The following LRPPRC variants were observed in gnomAD, a reference collection of about 807,000 sequenced individuals.
The protein encoded by LRPPRC is leucine-rich PPR motif-containing protein, mitochondrial.
In LRPPRC, 120 loss-of-function variants were observed where a neutral mutation model predicts 180.3. The ratio of observed to expected loss-of-function variants is 0.67; its 90% CI spans 0.57 to 0.77. The LOEUF is 0.77. Among genes scored for constraint, LRPPRC ranks in the 30% least tolerant of loss-of-function variants. The pLI is 0.00. For missense variants in LRPPRC, 2,012 were observed against 1,657.2 expected, an observed-to-expected ratio of 1.21 and a Z score of -3.72; for synonymous variants, 723 against 600.0, an observed-to-expected ratio of 1.21 and a Z score of -3.00.
At chr2:43,916,665 T>C (rs905337903) in intron 29 of LRPPRC, among the ~76,000 whole-genome samples, 5 of 152,114 alleles carry the variant, frequency 3.3e-5, no homozygotes, top group African/African-American at 1.2e-4. Flanking sequence ...GTATGAAGAA[T>C]AGTACAGGTT....
At chr2:43,948,614 T>C in intron 16 of LRPPRC, 96 bp from the exon 17 acceptor site, 1 of 742,134 alleles carries the variant, frequency 1.3e-6, no homozygotes, top group Admixed American at 1.9e-5. Context: ...GTGTGAGATG[T>C]CACCCTGATG....
At chr2:43,939,148 G>T (rs1046867958) in intron 23 of LRPPRC, among the ~76,000 whole-genome samples, 12 of 151,858 alleles carry the variant, frequency 7.9e-5, no homozygotes, top group Admixed American at 7.9e-4. Context: ...TGGCGTGGCG[G>T]TGAGCACCTG....
intron 21 of LRPPRC, 150 bp from the exon 22 acceptor site, chr2:43,945,567 C>T (rs1672651519): frequency 3.0e-6 from 2 of 664,556 alleles, no homozygotes; most frequent in African/African-American, 3.6e-5. Flanking sequence ...TTTTTGAAGC[C>T]ATATACAAGT....
chr2:43,891,159 C>G (rs940971348), intron 36 of LRPPRC, among the ~76,000 whole-genome samples: 1 of 152,210 alleles, frequency 6.6e-6, no homozygotes, highest in African/African-American at 2.4e-5. Flanking sequence ...TCCTGAGGAG[C>G]TGAACCCTTT....
chr2:43,945,345 A>G lies in LRPPRC; in HGVS notation c.2283T>C (p.His761=), dbSNP rs1672640904. 6.2e-7 allele frequency: 1 copy of G among 1,611,268 alleles called. No homozygotes were observed. The highest frequency in any genetic ancestry group is 8.5e-7 in the Non-Finnish European group (1 of 1,177,528). ...GCTGAGGCTTACCTTGGAGCTTGCCATGCTTTGCCAATACTCTTACAAGGC... is the reference window on the plus strand; with the variant it reads ...GCTGAGGCTTACCTTGGAGCTTGCCGTGCTTTGCCAATACTCTTACAAGGC... The part of the protein sequence containing the change: ...YVGLVRVLAK[H]GKLQDAINIL... Residue 761 remains histidine (H), a synonymous_variant, in exon 22 of 38, where the codon CAT becomes CAC. Transcript: ENST00000260665.
At chr2:43,965,438 G>T (rs1395097581) in intron 11 of LRPPRC, among the ~76,000 whole-genome samples, 1 of 152,094 alleles carries the variant, frequency 6.6e-6, no homozygotes, top group Admixed American at 6.5e-5. Context: ...AAAACTCCTA[G>T]AAGAAAACAC....
intron 30 of LRPPRC, among the ~76,000 whole-genome samples, chr2:43,911,090 G>A (rs1284959851): frequency 1.3e-5 from 2 of 151,520 alleles, no homozygotes; most frequent in East Asian, 3.9e-4. Context: ...ACAGATGACA[G>A]GATACTGCTC....
intron 2 of LRPPRC, among the ~76,000 whole-genome samples, chr2:43,981,637 G>A (rs1674312108): frequency 6.6e-6 from 1 of 151,676 alleles, no homozygotes; most frequent in East Asian, 1.9e-4. Context: ...AGCCTGCTGG[G>A]CGACAGAGCG....
chr2:43,899,694 T>C, intron 32 of LRPPRC, 89 bp from the exon 33 acceptor site: 1 of 807,726 alleles, frequency 1.2e-6, no homozygotes, highest in Non-Finnish European at 2.1e-6. Flanking sequence ...TTATATCCAC[T>C]CATGCTAATA....
At chr2:43,915,642 G>A (rs1274702744) in intron 29 of LRPPRC, among the ~76,000 whole-genome samples, 1 of 152,124 alleles carries the variant, frequency 6.6e-6, no homozygotes, top group Non-Finnish European at 1.5e-5. Flanking sequence ...ATGCACCACT[G>A]CTCTCCACCC....
chr2:43,903,425 C>A (rs1312253438), intron 31 of LRPPRC: 1 of 152,110 alleles, frequency 6.6e-6, no homozygotes, highest in East Asian at 1.9e-4. Flanking sequence ...AAAAGAAAGG[C>A]AGAACAACGG....
chr2:43,950,427 A>G, intron 15 of LRPPRC, 146 bp downstream of exon 15: 1 of 711,834 alleles, frequency 1.4e-6, no homozygotes, highest in Non-Finnish European at 2.6e-6. Context: ...GACACACATA[A>G]CTATTATTTT....
intron 13 of LRPPRC, among the ~76,000 whole-genome samples, chr2:43,960,313 G>A (rs1453575496): frequency 6.6e-6 from 1 of 152,090 alleles, no homozygotes; most frequent in Non-Finnish European, 1.5e-5. Context: ...AGGGTCTCCA[G>A]GTCCAGCCTT....
chr2:43,915,554 T>C (rs1376968898), intron 29 of LRPPRC, among the ~76,000 whole-genome samples: 2 of 151,638 alleles, frequency 1.3e-5, no homozygotes, highest in Non-Finnish European at 2.9e-5. Flanking sequence ...CGTGGTGGTG[T>C]GCGCCTGTAG....
chr2:43,890,278 T>A (rs987019361), intron 36 of LRPPRC: 1 of 454,500 alleles, frequency 2.2e-6, no homozygotes, highest in African/African-American at 2.0e-5. Context: ...CCAGGAACTG[T>A]TGTGGAGAGG....
rs1670803733 is a variant in LRPPRC at position 43,899,299 on chromosome 2, C to T, written c.3745G>A (p.Ala1249Thr). 1 of 1,613,982 alleles carries T rather than the reference C, an allele frequency of 6.2e-7. No individual in the cohort carries two copies. The highest frequency in any genetic ancestry group is 1.1e-5 in the South Asian group (1 of 91,076). The change falls in exon 34 of 38, where the codon GCA becomes ACA. Residue 1249 changes from alanine (A) to threonine (T), a missense_variant. Transcript: ENST00000260665. ...IMAERLANQF[A>T]IYKPVTDFFL... ...AAATCAGTGACAGGTTTATAAATTG[C>T]AAACTGATTGGCCAATCTCTCCGCC...
chr2:43,960,048 T>A (rs1204847321), intron 13 of LRPPRC, among the ~76,000 whole-genome samples: 1 of 152,234 alleles, frequency 6.6e-6, no homozygotes, highest in East Asian at 1.9e-4. Context: ...TAACATGTGA[T>A]GAGCATTATA....
intron 11 of LRPPRC, 125 bp downstream of exon 11, chr2:43,973,482 C>T (rs551841425): frequency 2.8e-5 from 20 of 726,196 alleles, no homozygotes; most frequent in Admixed American, 8.0e-5. Flanking sequence ...TGACTTAAAA[C>T]AATTCCATTA....
intron 1 of LRPPRC, among the ~76,000 whole-genome samples, chr2:43,985,297 T>C (rs1229552793): frequency 1.3e-5 from 2 of 152,238 alleles, no homozygotes; most frequent in African/African-American, 2.4e-5. Context: ...AACATTTTGC[T>C]GTAGTGTAGT....
Sources: allele counts gnomAD v4.1 joint callset (sites outside exome capture counted in the v4.1 genomes callset), GRCh38; gene constraint gnomAD v4.1.1; transcripts MANE v1.5; gene names NCBI Gene and HGNC (gene_info 2026-07-23, HGNC 2026-07-21).